PSMD5: variants seen among roughly 807,000 people sequenced by gnomAD.
PSMD5 encodes proteasome 26S subunit, non-ATPase 5.
In PSMD5, 40 loss-of-function variants were observed where a neutral mutation model predicts 52.1. The ratio of observed to expected loss-of-function variants is 0.77; its 90% confidence interval spans 0.60 to 1.00. The LOEUF is 1.00. Among genes scored for constraint, PSMD5 ranks in the 50% least tolerant of loss-of-function variants. The pLI, the probability that PSMD5 is intolerant of heterozygous loss-of-function variation, is 0.00. For missense variants in PSMD5, 575 were observed against 605.2 expected, an observed-to-expected ratio of 0.95 and a Z score of 0.52; for synonymous variants, 211 against 226.6, an observed-to-expected ratio of 0.93 and a Z score of 0.62.
chr9:120,833,949 T>C (rs1272420582), intron 1 of PSMD5, among the ~76,000 whole-genome samples: 3 of 149,966 alleles, frequency 2.0e-5, no homozygotes, highest in African/African-American at 7.4e-5. Context: ...ATGCTGGGAT[T>C]ACAGGCTTGG....
At position 120,824,569 on chromosome 9, in the gene PSMD5, T is replaced by C; in HGVS notation, c.931A>G (p.Met311Val). The change falls in exon 7 of 10, where the codon ATG becomes GTG. Residue 311 changes from methionine to valine, a missense_variant. Transcript: ENST00000210313. ...FEMIESQDPT[M>V]IGVAVDTVGI... is the part of the protein sequence containing the mutation. Reference sequence around the variant, plus strand: ...ACTGTGTCTACAGCTACACCAATCATAGTGGGGTCCTGACTTTCTATCATT... The same window carrying C: ...ACTGTGTCTACAGCTACACCAATCACAGTGGGGTCCTGACTTTCTATCATT... 1 of 1,614,168 alleles carries C rather than the reference T, an allele frequency of 6.2e-7. No homozygotes were observed. The highest frequency in any genetic ancestry group is 8.5e-7 in the Non-Finnish European group (1 of 1,180,014).
chr9:120,831,318 C>T lies in PSMD5; in HGVS notation c.561+13G>A. ...TGCTTTGTAAGCATGAGAAAGTGTG[C>T]TTTTTATCTTACCTCATACACCCTG... On this transcript the variant is annotated intron_variant, in intron 4 of 9. Transcript: ENST00000210313. 1.3e-6 allele frequency: 2 copies of T among 1,570,964 alleles called. No homozygotes were observed. Among genetic ancestry groups the T allele is most frequent in the Non-Finnish European group, 1.7e-6 (2 of 1,162,018 alleles).
chr9:120,833,975 CTTTTTTT>C (rs34657179), intron 1 of PSMD5, among the ~76,000 whole-genome samples: 2 of 80,322 alleles, frequency 2.5e-5, no homozygotes, highest in African/African-American at 5.3e-5. Context: ...CGCACCTGGC[CTTTTTTT>C]TTTTTTTTTT....
At position 120,821,439 on chromosome 9, in the gene PSMD5, C is replaced by T. The variant is rs2045083747; in HGVS notation, c.1032G>A (p.Met344Ile). ...KTGTRFERLL[M>I]RIGHQSKNAP... ...CATTCTTTGATTGATGTCCTATTCT[C>T]ATAAGCAAGCGTTCAAAGCGAGTTC... Residue 344 changes from methionine (M) to isoleucine (I), a missense_variant, in exon 8 of 10, where the codon ATG becomes ATA. Coordinates refer to ENST00000210313, the MANE Select transcript of PSMD5 (RefSeq NM_005047.4). 6.2e-7 allele frequency: 1 copy of T among 1,600,406 alleles called. No homozygotes were observed. The highest frequency in any genetic ancestry group is 8.5e-7 in the Non-Finnish European group (1 of 1,175,528).
chr9:120,839,992 G>A (rs1302744503), intron 1 of PSMD5, among the ~76,000 whole-genome samples: 1 of 151,126 alleles, frequency 6.6e-6, no homozygotes, highest in Non-Finnish European at 1.5e-5. Context: ...CGTTGTGGTG[G>A]TGGCACGTGC....
At chr9:120,832,700 T>G (rs1230303097) in intron 2 of PSMD5, among the ~76,000 whole-genome samples, 1 of 152,186 alleles carries the variant, frequency 6.6e-6, no homozygotes, top group Non-Finnish European at 1.5e-5. Flanking sequence ...CCAGCGCCCT[T>G]TTTTGCTGAA....
At chr9:120,839,757 T>TC (rs1183555316) in intron 1 of PSMD5, among the ~76,000 whole-genome samples, 2 of 151,862 alleles carry the variant, frequency 1.3e-5, no homozygotes, top group Non-Finnish European at 2.9e-5. Context: ...TTCCTTTTTT[T>TC]CCCCAGAATC....
At chr9:120,827,640 T>C (rs17348052) in intron 5 of PSMD5, among the ~76,000 whole-genome samples, 3 of 152,236 alleles carry the variant, frequency 2.0e-5, no homozygotes, top group Admixed American at 2.0e-4. Context: ...GTTGAGACAC[T>C]CAAATGCACT....
intron 9 of PSMD5, among the ~76,000 whole-genome samples, chr9:120,820,510 A>G (rs1424739056): frequency 2.0e-5 from 3 of 152,240 alleles, no homozygotes; most frequent in African/African-American, 4.8e-5. Flanking sequence ...CCACTGGAGC[A>G]TTAGGTGCCA....
chr9:120,834,234 C>G (rs930605476), intron 1 of PSMD5, among the ~76,000 whole-genome samples: 1 of 152,104 alleles, frequency 6.6e-6, no homozygotes, highest in Non-Finnish European at 1.5e-5. Context: ...CCCACCTCAG[C>G]CTCCCAAAGT....
chr9:120,842,770 C>T lies in PSMD5; in HGVS notation c.140G>A (p.Gly47Asp), dbSNP rs762805563. 1 of 1,613,210 alleles carries T rather than the reference C, an allele frequency of 6.2e-7. No homozygotes were observed. Among genetic ancestry groups the T allele is most frequent in the Non-Finnish European group, 8.5e-7 (1 of 1,180,018 alleles). The change falls in exon 1 of 10, where the codon GGC becomes GAC. Residue 47 changes from glycine (G) to aspartate (D), a missense_variant. Gly to Asp is a moderately conservative substitution (Grantham distance 94). Transcript: ENST00000210313. ...CTCGTTAAGCAGGGAGAAGAGCGGG[C>T]CGAGGCGCAGCTCCGCCGCTTGCTG... is the stretch of plus-strand genomic sequence containing the variant. ...LRQQAAELRL[G>D]PLFSLLNENH...
chr9:120,829,187 C>T lies in PSMD5; in HGVS notation c.583G>A (p.Val195Met), dbSNP rs370644528. ...VYELIIEISS[V>M]SPESLNYCTT... is the part of the protein sequence containing the mutation. ...CAGTAGTTTAAAGATTCTGGTGACA[C>T]GGAAGAAATCTCTATAATTAGCTGA... is the stretch of plus-strand genomic sequence containing the variant. The change falls in exon 5 of 10, where the codon GTG (valine) becomes ATG (methionine). Residue 195 changes from valine to methionine, a missense_variant. By Grantham distance (21) the Val-to-Met change is conservative. Transcript: ENST00000210313. The T allele has an allele frequency of 5.6e-5, 89 of 1,586,740 alleles. No individual in the cohort carries two copies. Among genetic ancestry groups the T allele is most frequent in the Non-Finnish European group, 6.8e-5 (80 of 1,168,638 alleles).
intron 1 of PSMD5, 73 bp from the exon 2 acceptor site, chr9:120,833,529 AAGCTTG>A: frequency 6.8e-7 from 1 of 1,478,360 alleles, no homozygotes; most frequent in Non-Finnish European, 9.2e-7. Flanking sequence ...ATAATAGCTG[AAGCTTG>A]CGTCAGCGTC....
At chr9:120,820,487 A>C (rs1487710766) in intron 9 of PSMD5, among the ~76,000 whole-genome samples, 1 of 152,178 alleles carries the variant, frequency 6.6e-6, no homozygotes, top group African/African-American at 2.4e-5. Flanking sequence ...GACACAAAAC[A>C]AACAGTTTGG....
At position 120,817,072 on chromosome 9, in the gene PSMD5, G is replaced by A. The variant is rs2131416634; in HGVS notation, c.*834C>T. On this transcript the variant is annotated 3_prime_UTR_variant, in exon 10 of 10. Transcript: ENST00000210313. ...TAGATATTTTGTCTTTTTTTCAAAG[G>A]AATAATAGTAACAAAAAAACAAGAG... 1 of 151,196 alleles carries A rather than the reference G, an allele frequency of 6.6e-6. No homozygotes were observed. The highest frequency in any genetic ancestry group is 1.9e-4 in the East Asian group (1 of 5,166). The allele number at this position is 151,196 out of a possible 1,614,324, so 9.4% of individuals were successfully genotyped here.
At chr9:120,838,023 A>C (rs1482208053) in intron 1 of PSMD5, among the ~76,000 whole-genome samples, 4 of 152,134 alleles carry the variant, frequency 2.6e-5, no homozygotes, top group Non-Finnish European at 5.9e-5. Context: ...ATAATGTATG[A>C]CTCCATTTGT....
At chr9:120,821,262 G>T in intron 8 of PSMD5, 93 bp downstream of exon 8, 1 of 895,590 alleles carries the variant, frequency 1.1e-6, no homozygotes, top group Non-Finnish European at 1.7e-6. Flanking sequence ...TTATCTTCTT[G>T]TATTTACTTC....
At chr9:120,836,082 A>G (rs2045196133) in intron 1 of PSMD5, among the ~76,000 whole-genome samples, 1 of 152,188 alleles carries the variant, frequency 6.6e-6, no homozygotes, top group Non-Finnish European at 1.5e-5. Context: ...TAGGTATGTA[A>G]GTAAAAGCAT....
In PSMD5 at chr9:120,831,447, G is replaced by A; in HGVS notation, c.445C>T (p.Leu149=). 6.2e-7 allele frequency: 1 copy of A among 1,607,436 alleles called. No individual in the cohort carries two copies. The highest frequency in any genetic ancestry group is 1.3e-5 in the African/African-American group (1 of 74,718). ...GCTTGGGTTAGTGATATTCTTGACA[G>A]GGATTTGATAGCCTTATAACGAAAG... is the stretch of plus-strand genomic sequence containing the variant. ...LSVAKAAIKS[L]SRISLTQAGL... Residue 149 remains leucine, a synonymous_variant, in exon 4 of 10, where the codon CTG becomes TTG. Coordinates refer to ENST00000210313, the MANE Select transcript of PSMD5 (RefSeq NM_005047.4).
Sources: gnomAD v4.1 joint callset for allele counts (sites outside exome capture counted in the v4.1 genomes callset) on GRCh38, gnomAD v4.1.1 for gene constraint, MANE v1.5 for transcripts, NCBI Gene and HGNC (gene_info 2026-07-23, HGNC 2026-07-21) for gene names.